ZNF479: variants seen among roughly 807,000 people sequenced by gnomAD.
The protein encoded by ZNF479 is KRAB zinc finger protein KR19.
In ZNF479, 15 loss-of-function variants were observed where a neutral mutation model predicts 14.7. That is an observed-to-expected ratio of 1.02 (90% CI 0.68 to 1.57). The LOEUF is 1.57. Among genes scored for constraint, ZNF479 ranks in the 40% most tolerant of loss-of-function variants. ZNF479 has a pLI of 0.00. For missense variants in ZNF479, 506 were observed against 615.1 expected, an observed-to-expected ratio of 0.82 and a Z score of 1.88; for synonymous variants, 145 against 211.5, an observed-to-expected ratio of 0.69 and a Z score of 2.73.
In ZNF479 at chr7:57,118,525, C is replaced by G. The variant is rs534501687; in HGVS notation, c.*1315G>C. On this transcript the variant is annotated 3_prime_UTR_variant, in exon 4 of 4. Transcript: ENST00000319636. ...TAGCTGGGATTACAAGTGCACGCCACCACACCCAGCTAGTTTTTCTATTTT... is the reference window on the plus strand; with the variant it reads ...TAGCTGGGATTACAAGTGCACGCCAGCACACCCAGCTAGTTTTTCTATTTT... Among the ~76,000 whole-genome samples the G allele has an allele frequency of 1.6e-4, 25 of 152,220 alleles. 1 individual carries two copies. The South Asian group carries it at 5.0e-3, about 30-fold the overall frequency.
intron 3 of ZNF479, among the ~76,000 whole-genome samples, chr7:57,125,805 A>C (rs1472124961): frequency 6.6e-6 from 1 of 152,184 alleles, no homozygotes. Flanking sequence ...AACTTGAAGA[A>C]AGATTATTGA....
intron 3 of ZNF479, among the ~76,000 whole-genome samples, chr7:57,123,728 T>C (rs1355507547): frequency 1.3e-5 from 2 of 151,940 alleles, no homozygotes; most frequent in African/African-American, 4.8e-5. Context: ...AGCCGCTCAG[T>C]AGGCCAAGGT....
In ZNF479 at chr7:57,120,732, T is replaced by G. The variant is rs782578342; in HGVS notation, c.683A>C (p.His228Pro). 2.5e-6 allele frequency: 4 copies of G among 1,612,410 alleles called. No individual in the cohort carries two copies. The highest frequency in any genetic ancestry group is 2.7e-5 in the African/African-American group (2 of 74,940). The change falls in exon 4 of 4, where the codon CAT becomes CCT. Residue 228 changes from histidine to proline, a missense_variant. His to Pro is a moderately conservative substitution (Grantham distance 77). Coordinates refer to ENST00000319636, the MANE Select transcript of ZNF479 (RefSeq NM_001370129.2). ...AGTATGAATTATTTTATGTGTAGTA[T>G]GGTTTGAGGAGCAGTTAAAGGATTT... ...CGKSFNCSSN[H>P]TTHKIIHTGE...
At chr7:57,138,209 C>A (rs188348299) in intron 1 of ZNF479, among the ~76,000 whole-genome samples, 1 of 152,288 alleles carries the variant, frequency 6.6e-6, no homozygotes, top group Non-Finnish European at 1.5e-5. Flanking sequence ...ATATGTGAAC[C>A]CAGCCAGTAG....
rs1343905002 is a variant in ZNF479, at chr7:57,120,891, T to A, written c.524A>T (p.Asp175Val). 6.2e-7 allele frequency: 1 copy of A among 1,613,938 alleles called. No individual in the cohort carries two copies. The highest frequency in any genetic ancestry group is 1.7e-5 in the Admixed American group (1 of 59,928). ...VFGKFSNSNR[D>V]KTRYTGNKHF... ...TTTATTTCCAGTATATCTTGTTTTA[T>A]CTCTATTGGAATTTGAAAATTTACC... Residue 175 changes from aspartate to valine, a missense_variant, in exon 4 of 4, where the codon GAT (aspartate) becomes GTT (valine). Around this residue, in one of 3 missense-constraint regions of ZNF479, gnomAD observed 420 missense variants for 474.2 expected, o/e 0.89. Coordinates refer to ENST00000319636, the MANE Select transcript of ZNF479 (RefSeq NM_001370129.2).
chr7:57,121,492 G>A (rs539622351), intron 3 of ZNF479, among the ~76,000 whole-genome samples: 1 of 152,272 alleles, frequency 6.6e-6, no homozygotes, highest in African/African-American at 2.4e-5. Flanking sequence ...TAAGTCTTCT[G>A]AGCTCAAAAG....
chr7:57,126,600 A>G lies in ZNF479; in HGVS notation c.158T>C (p.Val53Ala). 1 of 1,613,362 alleles carries G rather than the reference A, an allele frequency of 6.2e-7. No homozygotes were observed. Among genetic ancestry groups the G allele is most frequent in the Non-Finnish European group, 8.5e-7 (1 of 1,179,824 alleles). The part of the protein sequence containing the change: ...DVMLENYRNL[V>A]SLGIAVSKPD... ...ACTGAAGTTATCCTCACCCAGGGAG[A>G]CCAGGTTTCTGTAGTTCTCTAACAT... The change falls in exon 2 of 4, where the codon GTC becomes GCC. Residue 53 changes from valine to alanine, a missense_variant. Coordinates refer to ENST00000319636, the MANE Select transcript of ZNF479 (RefSeq NM_001370129.2).
At chr7:57,132,154 C>A in intron 1 of ZNF479, 132 bp downstream of exon 1, 1 of 1,535,610 alleles carries the variant, frequency 6.5e-7, no homozygotes, top group Non-Finnish European at 9.0e-7. Context: ...GAGAGCCGAG[C>A]TGGGCCAAAG....
In ZNF479 at chr7:57,119,823, G is replaced by A; in HGVS notation, c.*17C>T. On this transcript the variant is annotated 3_prime_UTR_variant, in exon 4 of 4. Transcript: ENST00000319636. ...TTATTTTATGTATTATAAGGCCTGA[G>A]GGTGGACTTTGCCATATTATTCACA... is the stretch of plus-strand genomic sequence containing the variant. The A allele has an allele frequency of 6.2e-7, 1 of 1,602,882 alleles. No homozygotes were observed. The highest frequency in any genetic ancestry group is 1.3e-5 in the African/African-American group (1 of 74,628).
chr7:57,120,893 T>C lies in ZNF479; in HGVS notation c.522A>G (p.Arg174=). The change falls in exon 4 of 4, where the codon AGA becomes AGG. Residue 174 remains arginine (R), a synonymous_variant. Coordinates refer to ENST00000319636, the MANE Select transcript of ZNF479 (RefSeq NM_001370129.2). ...TATTTCCAGTATATCTTGTTTTATCTCTATTGGAATTTGAAAATTTACCAA... is the reference window on the plus strand; with the variant it reads ...TATTTCCAGTATATCTTGTTTTATCCCTATTGGAATTTGAAAATTTACCAA... ...KVFGKFSNSN[R]DKTRYTGNKH... is the part of the protein sequence containing the mutation. 6.2e-7 allele frequency: 1 copy of C among 1,613,908 alleles called. No individual in the cohort carries two copies.
In ZNF479 at chr7:57,119,885, T is replaced by C. The variant is rs1481719860; in HGVS notation, c.1530A>G (p.Lys510=). The C allele has an allele frequency of 1.9e-6, 3 of 1,613,460 alleles. No homozygotes were observed. The highest frequency in any genetic ancestry group is 1.7e-5 in the Admixed American group (1 of 59,922). Residue 510 remains lysine, a synonymous_variant, in exon 4 of 4, where the codon AAA becomes AAG. Transcript: ENST00000319636. ...QAFKWHSSLA[K]HKIIHTGEKP... ...TCTCTCCAGTGTGAATTATCTTATGTTTAGCAAGACTTGAATGCCACTTAA... is the reference window on the plus strand; with the variant it reads ...TCTCTCCAGTGTGAATTATCTTATGCTTAGCAAGACTTGAATGCCACTTAA...
intron 3 of ZNF479, among the ~76,000 whole-genome samples, chr7:57,125,530 T>A (rs13438577): frequency 0.13 from 18,135 of 144,962 alleles, no homozygotes; most frequent in East Asian, 0.24. Context: ...AATTAAAAAA[T>A]TTGTAAAAAA....
At chr7:57,128,703 T>C (rs1583941718) in intron 1 of ZNF479, among the ~76,000 whole-genome samples, 1 of 152,262 alleles carries the variant, frequency 6.6e-6, no homozygotes, top group South Asian at 2.1e-4. Context: ...TCAGAACCCC[T>C]TGACTATCAT....
At chr7:57,125,686 G>A (rs1786132221) in intron 3 of ZNF479, among the ~76,000 whole-genome samples, 1 of 151,862 alleles carries the variant, frequency 6.6e-6, no homozygotes, top group Admixed American at 6.6e-5. Flanking sequence ...TAATGGTTTA[G>A]AGTTTTTCAA....
upstream of ZNF479, among the ~76,000 whole-genome samples, chr7:57,133,922 C>G (rs1298520535): frequency 6.6e-6 from 1 of 152,162 alleles, no homozygotes; most frequent in African/African-American, 2.4e-5. Context: ...ACAACTTAAT[C>G]AGCCCAATAT....
chr7:57,125,762 T>C (rs1371437887), intron 3 of ZNF479, among the ~76,000 whole-genome samples: 44 of 152,064 alleles, frequency 2.9e-4, no homozygotes, highest in African/African-American at 1.0e-3. Flanking sequence ...CAGTCCCTGA[T>C]AACCTTTAAA....
At chr7:57,136,062 G>T (rs919382120), upstream of ZNF479, among the ~76,000 whole-genome samples, 6 of 150,232 alleles carry the variant, frequency 4.0e-5, no homozygotes, top group African/African-American at 1.5e-4. Flanking sequence ...CTTGCGCAGA[G>T]ATCACATGTT....
Position 57,120,723 on chromosome 7 carries a change from T to C in ZNF479, c.692A>G (p.His231Arg). 3 of 1,612,178 alleles carry C rather than the reference T, an allele frequency of 1.9e-6. No individual in the cohort carries two copies. Among genetic ancestry groups the C allele is most frequent in the African/African-American group, 1.3e-5 (1 of 74,924 alleles). ...TTTCTCTCCAGTATGAATTATTTTA[T>C]GTGTAGTATGGTTTGAGGAGCAGTT... is the stretch of plus-strand genomic sequence containing the variant. Reference protein sequence around the residue: ...SFNCSSNHTTHKIIHTGEKPY... With the variant: ...SFNCSSNHTTRKIIHTGEKPY... Residue 231 changes from histidine (H) to arginine (R), a missense_variant, in exon 4 of 4, where the codon CAT becomes CGT. Around this residue, in one of 3 missense-constraint regions of ZNF479, gnomAD observed 420 missense variants for 474.2 expected, o/e 0.89. Coordinates refer to ENST00000319636, the MANE Select transcript of ZNF479 (RefSeq NM_001370129.2).
At position 57,121,047 on chromosome 7, in the gene ZNF479, A is replaced by G. The variant is rs782488743; in HGVS notation, c.368T>C (p.Leu123Ser). The change falls in exon 4 of 4, where the codon TTA becomes TCA. Residue 123 changes from leucine to serine, a missense_variant. Physicochemically the swap from Leu to Ser is moderately radical, Grantham distance 145 (BLOSUM62 -2). This residue lies in a region of ZNF479 where 420 missense variants were observed against 474.2 expected (regional missense o/e 0.89). Transcript: ENST00000319636. ...RTYGKCGHEK[L>S]QFKKCCKSVG... Reference sequence around the variant, plus strand: ...ACTTTTACAGCATTTTTTAAATTGTAATTTCTCATGTCCACATTTTCCATA... The same window carrying G: ...ACTTTTACAGCATTTTTTAAATTGTGATTTCTCATGTCCACATTTTCCATA... 2 of 1,613,974 alleles carry G rather than the reference A, an allele frequency of 1.2e-6. No homozygotes were observed.
Sources: allele counts gnomAD v4.1 joint callset (sites outside exome capture counted in the v4.1 genomes callset), GRCh38; gene constraint gnomAD v4.1.1; regional missense constraint gnomAD v4.1.1; transcripts MANE v1.5; gene names NCBI Gene and HGNC (gene_info 2026-07-23, HGNC 2026-07-21).